The following DMBT1 variants were observed in gnomAD, a reference collection of about 807,000 sequenced individuals.
DMBT1 encodes scavenger receptor cysteine-rich domain-containing protein DMBT1.
In DMBT1, 198 loss-of-function variants were observed where a neutral mutation model predicts 252.9. That is an observed-to-expected ratio of 0.78 (90% CI 0.70 to 0.88). The LOEUF is 0.88. Among genes scored for constraint, DMBT1 ranks in the 40% least tolerant of loss-of-function variants. The pLI is 0.00. For synonymous variants in DMBT1, 990 were observed against 942.7 expected, an observed-to-expected ratio of 1.05 and a Z score of -0.92; for missense variants, 2,432 against 2,404.7, an observed-to-expected ratio of 1.01 and a Z score of -0.24.
intron 9 of DMBT1, 127 bp from the exon 10 acceptor site, chr10:122,579,451 T>G: frequency 6.4e-7 from 1 of 1,552,904 alleles, no homozygotes; most frequent in Non-Finnish European, 8.7e-7. Flanking sequence ...TAGTCTGTGG[T>G]CATATGCAAA....
Position 122,586,165 on chromosome 10 carries a change from G to C in DMBT1, c.1565G>C (p.Ser522Thr). 2 of 1,589,392 alleles carry C rather than the reference G, an allele frequency of 1.3e-6. No individual in the cohort carries two copies. The highest frequency in any genetic ancestry group is 1.7e-6 in the Non-Finnish European group (2 of 1,166,172). ...RGSWGTVCDD[S>T]WDTNDANVVC... ...TCCTGGGGCACCGTGTGTGATGACA[G>C]CTGGGACACCAATGATGCCAATGTG... is the stretch of plus-strand genomic sequence containing the variant. The change falls in exon 16 of 56, where the codon AGC (serine) becomes ACC (threonine). Residue 522 changes from serine to threonine, a missense_variant. Coordinates refer to ENST00000338354, the MANE Select transcript of DMBT1 (RefSeq NM_001377530.1).
At chr10:122,600,003 T>C in intron 26 of DMBT1, 61 bp from the exon 27 acceptor site, 1 of 1,593,934 alleles carries the variant, frequency 6.3e-7, no homozygotes, top group Non-Finnish European at 8.6e-7. Flanking sequence ...TCCCTCCTCG[T>C]TCCACTTTGC....
chr10:122,621,169 C>A lies in DMBT1; in HGVS notation c.5397C>A (p.Asp1799Glu). 6.2e-7 allele frequency: 1 copy of A among 1,613,888 alleles called. No homozygotes were observed. Among genetic ancestry groups the A allele is most frequent in the Non-Finnish European group, 8.5e-7 (1 of 1,179,820 alleles). The change falls in exon 44 of 56, where the codon GAC becomes GAA. Residue 1799 changes from aspartate to glutamate, a missense_variant. By Grantham distance (45) the Asp-to-Glu change is conservative (BLOSUM62 2). Coordinates refer to ENST00000338354, the MANE Select transcript of DMBT1 (RefSeq NM_001377530.1). ...SWGTVCDDSW[D>E]TNDANVVCRQ... ...GAACCGTGTGTGATGACAGCTGGGA[C>A]ACCAATGATGCCAATGTGGTCTGCA... is the stretch of plus-strand genomic sequence containing the variant.
At chr10:122,599,287 G>A (rs770260728) in intron 26 of DMBT1, among the ~76,000 whole-genome samples, 190 bp downstream of exon 26, 2 of 152,130 alleles carry the variant, frequency 1.3e-5, no homozygotes, top group African/African-American at 2.4e-5. Context: ...TTAGGACAGG[G>A]GACCAAACTC....
rs749941294 is a variant in DMBT1 at position 122,591,469 on chromosome 10, C to G, written c.2138-10C>G. Reference sequence around the variant, plus strand: ...TTAATTCTAGCCTTTGTCTTTGTTGCAATTTACAGACACGTTGTCGACCAT... The same window carrying G: ...TTAATTCTAGCCTTTGTCTTTGTTGGAATTTACAGACACGTTGTCGACCAT... On this transcript the variant is annotated splice_polypyrimidine_tract_variant and intron_variant, in intron 18 of 55. Coordinates refer to ENST00000338354, the MANE Select transcript of DMBT1 (RefSeq NM_001377530.1). 6.3e-7 allele frequency: 1 copy of G among 1,586,224 alleles called. No individual in the cohort carries two copies. Among genetic ancestry groups the G allele is most frequent in the Non-Finnish European group, 8.6e-7 (1 of 1,163,912 alleles).
Position 122,597,959 on chromosome 10 carries a change from C to T in DMBT1, c.2918-15C>T. The T allele has an allele frequency of 6.2e-7, 1 of 1,613,926 alleles. No homozygotes were observed. The highest frequency in any genetic ancestry group is 8.5e-7 in the Non-Finnish European group (1 of 1,179,836). ...TCAACTTTAATTCTAGCCTTTGTCTCTGTTGCAATTACAGACACATTGCCG... is the reference window on the plus strand; with the variant it reads ...TCAACTTTAATTCTAGCCTTTGTCTTTGTTGCAATTACAGACACATTGCCG... On this transcript the variant is annotated splice_polypyrimidine_tract_variant and intron_variant, in intron 24 of 55. Coordinates refer to ENST00000338354, the MANE Select transcript of DMBT1 (RefSeq NM_001377530.1).
At chr10:122,588,215 TG>T (rs1225978278) in intron 16 of DMBT1, among the ~76,000 whole-genome samples, 1 of 148,156 alleles carries the variant, frequency 6.7e-6, no homozygotes, top group Non-Finnish European at 1.5e-5. Context: ...TCTGGACAAA[TG>T]TTTTTTTCTG....
chr10:122,632,508 C>T (rs1465361253), intron 50 of DMBT1, among the ~76,000 whole-genome samples: 1 of 152,108 alleles, frequency 6.6e-6, no homozygotes, highest in South Asian at 2.1e-4. Context: ...AAATCTATTC[C>T]ACCCAGGTGC....
At chr10:122,563,586 C>CAAAA (rs5788567) in intron 1 of DMBT1, among the ~76,000 whole-genome samples, 6,560 of 147,214 alleles carry the variant, frequency 0.045, 310 homozygotes, top group South Asian at 0.21. Context: ...GACTCTGTCT[C>CAAAA]AAAAAAAAAA....
intron 50 of DMBT1, 105 bp from the exon 51 acceptor site, chr10:122,632,756 C>T: frequency 6.9e-7 from 1 of 1,458,346 alleles, no homozygotes; most frequent in Non-Finnish European, 9.4e-7. Context: ...CCAGCTCCTC[C>T]CTGTGGACTC....
intron 7 of DMBT1, among the ~76,000 whole-genome samples, chr10:122,577,182 C>T (rs2097720067): frequency 6.6e-6 from 1 of 152,198 alleles, no homozygotes; most frequent in Admixed American, 6.5e-5. Context: ...CCCCATTTTC[C>T]CCGAGGCTCC....
chr10:122,580,697 C>T (rs1227537735), intron 10 of DMBT1, among the ~76,000 whole-genome samples, 169 bp from the exon 11 acceptor site: 1 of 152,054 alleles, frequency 6.6e-6, no homozygotes, highest in East Asian at 1.9e-4. Flanking sequence ...TGCCTCGACC[C>T]CTTACACGGT....
intron 24 of DMBT1, 127 bp from the exon 25 acceptor site, chr10:122,597,846 TG>T: frequency 7.1e-7 from 1 of 1,401,040 alleles, no homozygotes; most frequent in Non-Finnish European, 1.0e-6. Flanking sequence ...GGCAGACACA[TG>T]GGGAGCAAGT....
Position 122,585,273 on chromosome 10 carries a change from A to C in DMBT1, c.1423A>C (p.Thr475Pro), listed in dbSNP as rs1264378846. 3.2e-6 allele frequency: 5 copies of C among 1,586,732 alleles called. 1 individual carries two copies. In the East Asian group the frequency reaches 9.4e-5, roughly 30 times the overall value. Residue 475 changes from threonine (T) to proline (P), a missense_variant and splice_region_variant, in exon 15 of 56, where the codon ACG (threonine) becomes CCG (proline). By Grantham distance (38) the Thr-to-Pro change is conservative. Coordinates refer to ENST00000338354, the MANE Select transcript of DMBT1 (RefSeq NM_001377530.1). ...AHSWSTPSPD[T>P]LPTITLPAST... ...CTTTGTCTCTGTTGCAATTACAGAC[A>C]CGTTGCCGACCATCACCTTACCTGC...
rs1214310284 is a variant in DMBT1, at chr10:122,636,195, C to T, written c.6753C>T (p.Ser2251=). The change falls in exon 53 of 56, where the codon AGC becomes AGT. Residue 2251 remains serine (S), a synonymous_variant. Coordinates refer to ENST00000338354, the MANE Select transcript of DMBT1 (RefSeq NM_001377530.1). ...ACTACTCCAGTCCCTCCAATGACAG[C>T]ACCAGTAAGTCCCCTTGTGGAAATG... ...AEYYSSPSND[S]TNLLCLPNHM... The T allele has an allele frequency of 3.1e-6, 5 of 1,612,088 alleles. No homozygotes were observed. The African/African-American group carries it at 5.3e-5, about 17-fold the overall frequency.
chr10:122,573,829 T>A (rs2097687964), intron 6 of DMBT1, 67 bp downstream of exon 6: 1 of 1,576,030 alleles, frequency 6.3e-7, no homozygotes, highest in African/African-American at 1.3e-5. Flanking sequence ...TAATCTCTGA[T>A]TCAGATGAGG....
chr10:122,591,536 C>A lies in DMBT1; in HGVS notation c.2176+19C>A, dbSNP rs753043292. ...ACAGTAGGTAAATAATCCTCTCACC[C>A]CTCCCTAGGGCTCACTCTCTACCTC... On this transcript the variant is annotated intron_variant, in intron 19 of 55. Coordinates refer to ENST00000338354, the MANE Select transcript of DMBT1 (RefSeq NM_001377530.1). The A allele has an allele frequency of 3.2e-6, 5 of 1,578,966 alleles. No individual in the cohort carries two copies. In the Admixed American group the frequency reaches 6.7e-5, roughly 21 times the overall value.
At chr10:122,597,129 C>A (rs986947932) in intron 24 of DMBT1, 75 bp downstream of exon 24, 3 of 309,758 alleles carry the variant, frequency 9.7e-6, no homozygotes, top group African/African-American at 7.9e-5. Context: ...CTCCACAGAG[C>A]CCTCGTTCTT....
chr10:122,562,286 T>C (rs2981750), intron 1 of DMBT1, among the ~76,000 whole-genome samples: 101,709 of 151,810 alleles, frequency 0.67, 34,444 homozygotes, highest in East Asian at 0.77. Flanking sequence ...AGGTAACTTC[T>C]GGAACTGTCA....
Sources: allele counts gnomAD v4.1 joint callset (sites outside exome capture counted in the v4.1 genomes callset), GRCh38; gene constraint gnomAD v4.1.1; transcripts MANE v1.5; gene names NCBI Gene and HGNC (gene_info 2026-07-23, HGNC 2026-07-21).